FHOD3: variants seen among roughly 807,000 people sequenced by gnomAD.
FHOD3 encodes FH1/FH2 domain-containing protein 3.
In FHOD3, 90 loss-of-function variants were observed where a neutral mutation model predicts 173.0. The ratio of observed to expected loss-of-function variants is 0.52; its 90% CI spans 0.44 to 0.62. The LOEUF (loss-of-function observed/expected upper bound fraction) is 0.62. Ranked by LOEUF, FHOD3 falls within the 20% of genes least tolerant of loss-of-function variation. The probability of loss-of-function intolerance (pLI) is 0.00; values close to 1 mark genes in which losing one functional copy is unlikely to be tolerated. For missense variants in FHOD3, 1,945 were observed against 2,034.7 expected, an observed-to-expected ratio of 0.96 and a Z score of 0.85; for synonymous variants, 828 against 823.0, an observed-to-expected ratio of 1.01 and a Z score of -0.10.
intron 3 of FHOD3, among the ~76,000 whole-genome samples, chr18:36,501,623 G>T (rs1046025983): frequency 9.2e-5 from 14 of 152,280 alleles, no homozygotes; most frequent in African/African-American, 3.4e-4. Flanking sequence ...GGGAGATGAG[G>T]GTGAAAAATC....
chr18:36,736,976 A>C (rs2041666265), intron 20 of FHOD3, among the ~76,000 whole-genome samples: 1 of 152,246 alleles, frequency 6.6e-6, no homozygotes, highest in Non-Finnish European at 1.5e-5. Context: ...CTACTGACTT[A>C]GAAAAACAAA....
intron 3 of FHOD3, among the ~76,000 whole-genome samples, chr18:36,485,642 A>G (rs1218736726): frequency 6.6e-6 from 1 of 152,180 alleles, no homozygotes; most frequent in Non-Finnish European, 1.5e-5. Flanking sequence ...TGGCATTATC[A>G]TGTCAAGACA....
intron 3 of FHOD3, among the ~76,000 whole-genome samples, chr18:36,488,873 G>A (rs1051846191): frequency 8.5e-5 from 13 of 152,186 alleles, no homozygotes; most frequent in Admixed American, 6.5e-4. Flanking sequence ...TCAGGATGAG[G>A]ACTTTGACAG....
intron 2 of FHOD3, among the ~76,000 whole-genome samples, chr18:36,358,659 A>T (rs1310032536): frequency 2.6e-5 from 4 of 152,090 alleles, no homozygotes; most frequent in Admixed American, 2.0e-4. Flanking sequence ...CACATTTAAA[A>T]TTTTTTTTAG....
chr18:36,406,077 T>G (rs2049039998), intron 3 of FHOD3, among the ~76,000 whole-genome samples: 1 of 137,600 alleles, frequency 7.3e-6, no homozygotes, highest in African/African-American at 2.7e-5. Flanking sequence ...GCCTTGCCTG[T>G]TTTTTGTTTT....
intron 3 of FHOD3, among the ~76,000 whole-genome samples, chr18:36,404,950 G>A (rs2048989829): frequency 1.3e-5 from 2 of 152,110 alleles, no homozygotes; most frequent in Admixed American, 6.5e-5. Flanking sequence ...TACCACTAAT[G>A]CTCTCTTCAT....
intron 1 of FHOD3, among the ~76,000 whole-genome samples, chr18:36,316,276 T>C (rs559163269): frequency 1.6e-4 from 24 of 152,186 alleles, no homozygotes; most frequent in Non-Finnish European, 2.9e-4. Context: ...AGGGGAAATC[T>C]GTGAGGGGAC....
At chr18:36,757,808 A>G (rs537208579) in intron 25 of FHOD3, among the ~76,000 whole-genome samples, 1 of 152,264 alleles carries the variant, frequency 6.6e-6, no homozygotes, top group African/African-American at 2.4e-5. Flanking sequence ...CATCCTGTGT[A>G]CAAAGTTGGT....
At chr18:36,673,026 A>G (rs994543213) in intron 14 of FHOD3, among the ~76,000 whole-genome samples, 1 of 152,100 alleles carries the variant, frequency 6.6e-6, no homozygotes, top group Non-Finnish European at 1.5e-5. Flanking sequence ...TGTTTAGTCT[A>G]TTTGCAGGTA....
At chr18:36,475,822 CT>C (rs1200936205) in intron 3 of FHOD3, among the ~76,000 whole-genome samples, 29 of 148,834 alleles carry the variant, frequency 1.9e-4, no homozygotes, top group South Asian at 6.4e-4. Context: ...AATTGTAATT[CT>C]TTTTTTTTGT....
intron 15 of FHOD3, among the ~76,000 whole-genome samples, chr18:36,684,748 G>T (rs940735238): frequency 1.1e-4 from 17 of 152,156 alleles, no homozygotes; most frequent in African/African-American, 4.1e-4. Context: ...TCTAGCATTC[G>T]TGTCATCGGA....
intron 16 of FHOD3, among the ~76,000 whole-genome samples, chr18:36,689,951 G>T (rs1448253867): frequency 6.6e-6 from 1 of 152,156 alleles, no homozygotes; most frequent in Non-Finnish European, 1.5e-5. Flanking sequence ...ATGTAAGTGA[G>T]AATTTCCAAA....
chr18:36,636,365 T>G (rs1442454410), intron 10 of FHOD3, among the ~76,000 whole-genome samples: 1 of 152,184 alleles, frequency 6.6e-6, no homozygotes, highest in African/African-American at 2.4e-5. Flanking sequence ...GAAATGAGAT[T>G]ATTTTTTCTT....
At chr18:36,312,667 T>C (rs1177391805) in intron 1 of FHOD3, among the ~76,000 whole-genome samples, 1 of 152,154 alleles carries the variant, frequency 6.6e-6, no homozygotes, top group Non-Finnish European at 1.5e-5. Context: ...CTCTGGTCCA[T>C]GTGTCATCCA....
intron 5 of FHOD3, among the ~76,000 whole-genome samples, chr18:36,566,401 T>C (rs1371285533): frequency 6.6e-6 from 1 of 152,222 alleles, no homozygotes; most frequent in Non-Finnish European, 1.5e-5. Context: ...ATGTAAGGCA[T>C]GTTTAACTTA....
Position 36,382,414 on chromosome 18 carries a change from G to A in FHOD3, c.337+9670G>A, listed in dbSNP as rs372737240. Among the ~76,000 whole-genome samples, 4 of 152,146 alleles carry A rather than the reference G, an allele frequency of 2.6e-5. No individual in the cohort carries two copies. The South Asian group carries it at 6.2e-4, about 24-fold the overall frequency. Reference sequence around the variant, plus strand: ...AAGAAGGGAATTTATTGCTGTAACCGGATACAGGGAGAAGGCTGGAGATAA... The same window carrying A: ...AAGAAGGGAATTTATTGCTGTAACCAGATACAGGGAGAAGGCTGGAGATAA... On this transcript the variant is annotated intron_variant, in intron 3 of 28. Coordinates refer to ENST00000590592, the MANE Select transcript of FHOD3 (RefSeq NM_001281740.3).
chr18:36,428,348 G>A (rs2050360857), intron 3 of FHOD3, among the ~76,000 whole-genome samples: 1 of 152,114 alleles, frequency 6.6e-6, no homozygotes, highest in Non-Finnish European at 1.5e-5. Flanking sequence ...TTGTTGATGA[G>A]GCCATTACTT....
intron 14 of FHOD3, among the ~76,000 whole-genome samples, chr18:36,658,799 T>C (rs1016206995): frequency 2.0e-5 from 3 of 152,040 alleles, no homozygotes; most frequent in African/African-American, 7.2e-5. Context: ...ATGGCAAGAG[T>C]GCTGAGTTAG....
chr18:36,356,666 C>T (rs779311985), intron 2 of FHOD3, among the ~76,000 whole-genome samples: 45 of 151,582 alleles, frequency 3.0e-4, no homozygotes, highest in Non-Finnish European at 4.9e-4. Flanking sequence ...GACGGAATCT[C>T]GCTCTGTCAC....
Sources: gnomAD v4.1 joint callset for allele counts (sites outside exome capture counted in the v4.1 genomes callset) on GRCh38, gnomAD v4.1.1 for gene constraint, MANE v1.5 for transcripts, NCBI Gene and HGNC (gene_info 2026-07-23, HGNC 2026-07-21) for gene names.